The following RFX3 variants were observed in gnomAD, a reference collection of about 807,000 sequenced individuals.
RFX3 encodes the protein regulatory factor X3.
A neutral mutation model predicts 98.6 loss-of-function variants in RFX3; 14 were observed. That is an observed-to-expected ratio of 0.14 (90% CI 0.09 to 0.22). The LOEUF (loss-of-function observed/expected upper bound fraction) is 0.22. Among genes scored for constraint, RFX3 ranks in the 10% least tolerant of loss-of-function variants. The probability of loss-of-function intolerance (pLI) is 1.00; values close to 1 mark genes in which losing one functional copy is unlikely to be tolerated. For synonymous variants in RFX3, 383 were observed against 328.4 expected, an observed-to-expected ratio of 1.17 and a Z score of -1.80; for missense variants, 639 against 926.9, an observed-to-expected ratio of 0.69 and a Z score of 4.03.
At chr9:3,319,196 G>C (rs895014312) in intron 4 of RFX3, among the ~76,000 whole-genome samples, 1 of 152,234 alleles carries the variant, frequency 6.6e-6, no homozygotes, top group African/African-American at 2.4e-5. Context: ...TCTTGGACCA[G>C]CATTTTCAGT....
chr9:3,407,424 T>G (rs1842066989), intron 1 of RFX3, among the ~76,000 whole-genome samples: 1 of 152,092 alleles, frequency 6.6e-6, no homozygotes, highest in Non-Finnish European at 1.5e-5. Context: ...ATTAAATATT[T>G]AATTATTTAA....
chr9:3,333,334 G>A (rs1276973212), intron 3 of RFX3, among the ~76,000 whole-genome samples: 1 of 151,822 alleles, frequency 6.6e-6, no homozygotes, highest in Admixed American at 6.6e-5. Flanking sequence ...TGTTCTGAAA[G>A]TATTCCACAC....
intron 1 of RFX3, chr9:3,420,715 A>T (rs566987647): frequency 1.7e-4 from 155 of 890,904 alleles, no homozygotes; most frequent in Middle Eastern, 5.8e-4. Context: ...GTCAGGAATT[A>T]TTTCTATAAA....
At chr9:3,484,355 G>A (rs1850067082) in intron 1 of RFX3, among the ~76,000 whole-genome samples, 2 of 152,158 alleles carry the variant, frequency 1.3e-5, no homozygotes, top group Admixed American at 1.3e-4. Flanking sequence ...ATGTTAGCTA[G>A]CTAGTGTATG....
chr9:3,358,926 C>G (rs1836087249), intron 2 of RFX3, among the ~76,000 whole-genome samples: 1 of 152,056 alleles, frequency 6.6e-6, no homozygotes, highest in Admixed American at 6.6e-5. Flanking sequence ...AACATGGGAA[C>G]AGCATGGGGG....
At chr9:3,494,330 G>C (rs1169962791) in intron 1 of RFX3, among the ~76,000 whole-genome samples, 3 of 152,120 alleles carry the variant, frequency 2.0e-5, no homozygotes, top group Admixed American at 1.3e-4. Flanking sequence ...AATTTTTTGA[G>C]AATCCCAAAG....
At chr9:3,301,926 G>A (rs1828709268) in intron 4 of RFX3, among the ~76,000 whole-genome samples, 2 of 151,822 alleles carry the variant, frequency 1.3e-5, no homozygotes, top group Non-Finnish European at 2.9e-5. Context: ...AAACATTCTT[G>A]ACTTTCATAG....
intron 1 of RFX3, among the ~76,000 whole-genome samples, chr9:3,506,358 T>C (rs913610723): frequency 6.6e-6 from 1 of 151,866 alleles, no homozygotes; most frequent in Non-Finnish European, 1.5e-5. Flanking sequence ...ATTCTGATAC[T>C]ACTGGTTGCC....
chr9:3,349,665 C>A (rs1311347148), intron 2 of RFX3, among the ~76,000 whole-genome samples: 1 of 151,950 alleles, frequency 6.6e-6, no homozygotes, highest in Non-Finnish European at 1.5e-5. Context: ...TCTTTTTAGA[C>A]AAACGTGCAA....
intron 1 of RFX3, among the ~76,000 whole-genome samples, chr9:3,478,883 C>T (rs1189090523): frequency 6.6e-6 from 1 of 152,162 alleles, no homozygotes; most frequent in Non-Finnish European, 1.5e-5. Flanking sequence ...GCTATTGTTT[C>T]AGTAATGCCC....
chr9:3,446,889 A>G (rs1292067128), intron 1 of RFX3, among the ~76,000 whole-genome samples: 2 of 152,118 alleles, frequency 1.3e-5, no homozygotes, highest in African/African-American at 4.8e-5. Flanking sequence ...TTTTTAAAAA[A>G]TCCAAAATAA....
chr9:3,236,601 G>C (rs958632143), intron 15 of RFX3, among the ~76,000 whole-genome samples: 3 of 152,190 alleles, frequency 2.0e-5, no homozygotes, highest in Admixed American at 2.0e-4. Flanking sequence ...GCTGTGCAGA[G>C]GTGGGCAGTC....
chr9:3,495,229 C>G (rs1275210044), intron 1 of RFX3, among the ~76,000 whole-genome samples: 1 of 151,792 alleles, frequency 6.6e-6, no homozygotes, highest in Non-Finnish European at 1.5e-5. Context: ...AAAAAAAATT[C>G]TATGTAGCAA....
intron 1 of RFX3, among the ~76,000 whole-genome samples, chr9:3,408,575 A>C (rs74437733): frequency 0.027 from 4,088 of 151,656 alleles, 194 homozygotes; most frequent in African/African-American, 0.095. Context: ...CTGTGCTGTA[A>C]GAGTTATCTC....
chr9:3,430,563 C>T (rs1844565651), intron 1 of RFX3, among the ~76,000 whole-genome samples: 1 of 152,032 alleles, frequency 6.6e-6, no homozygotes, highest in Admixed American at 6.6e-5. Context: ...TTTATTTCAT[C>T]ACAATGACAC....
intron 16 of RFX3, among the ~76,000 whole-genome samples, chr9:3,225,714 T>G (rs2130572093): frequency 6.6e-6 from 1 of 152,278 alleles, no homozygotes; most frequent in South Asian, 2.1e-4. Context: ...AAATATAAAT[T>G]TTATCTATGC....
intron 1 of RFX3, among the ~76,000 whole-genome samples, chr9:3,489,807 A>G (rs984401476): frequency 5.3e-5 from 8 of 152,168 alleles, no homozygotes; most frequent in Non-Finnish European, 8.8e-5. Context: ...AAGCACTCTG[A>G]GTAGTGCCTG....
intron 1 of RFX3, among the ~76,000 whole-genome samples, chr9:3,465,782 G>C (rs1311375936): frequency 1.3e-5 from 2 of 152,002 alleles, no homozygotes; most frequent in Non-Finnish European, 2.9e-5. Context: ...ATAGAGCAGT[G>C]AGTGGTAAAG....
chr9:3,484,727 A>G (rs911770438), intron 1 of RFX3, among the ~76,000 whole-genome samples: 4 of 152,180 alleles, frequency 2.6e-5, no homozygotes, highest in African/African-American at 9.6e-5. Context: ...GTTTCTCCCT[A>G]AGGTAATAAA....
Sources: gnomAD v4.1 joint callset for allele counts (sites outside exome capture counted in the v4.1 genomes callset) on GRCh38, gnomAD v4.1.1 for gene constraint, MANE v1.5 for transcripts, NCBI Gene and HGNC (gene_info 2026-07-23, HGNC 2026-07-21) for gene names.